Variants in LOC400499 observed in about 807,000 individuals in gnomAD.
the LOC400499 span, chr16:11,439,705 C>T: frequency 1.0e-5 from 4 of 395,724 alleles, no homozygotes; most frequent in African/African-American, 8.2e-5. Flanking sequence ...AAACTTCTGT[C>T]CTCCCTTAAT....
At chr16:11,401,992 G>A in the LOC400499 span, 1 of 399,010 alleles carries the variant, frequency 2.5e-6, no homozygotes, top group African/African-American at 2.1e-5. Context: ...CTGCAGGGTG[G>A]AGTTCAGCTC....
chr16:11,493,103 CCA>C, the LOC400499 span, among the ~76,000 whole-genome samples: 6 of 151,962 alleles, frequency 3.9e-5, no homozygotes, highest in African/African-American at 1.5e-4. Flanking sequence ...CAGGTGAGGC[CCA>C]GAGGTCAGAT....
the LOC400499 span, chr16:11,390,355 A>AC: frequency 8.1e-7 from 1 of 1,234,052 alleles, no homozygotes; most frequent in Non-Finnish European, 1.0e-6. Context: ...CATCCCGGGC[A>AC]CCCAGGCCTG....
the LOC400499 span, chr16:11,460,435 C>T: frequency 4.8e-5 from 71 of 1,490,268 alleles, no homozygotes; most frequent in Non-Finnish European, 6.1e-5. Context: ...TTGCCTGACT[C>T]TAGTGCTCTC....
At chr16:11,435,604 C>T in the LOC400499 span, 4 of 398,910 alleles carry the variant, frequency 1.0e-5, no homozygotes, top group Non-Finnish European at 1.3e-5. Context: ...CCCAGGACAC[C>T]AGCCTTTTGG....
At chr16:11,430,955 G>A in the LOC400499 span, 1 of 398,376 alleles carries the variant, frequency 2.5e-6, no homozygotes, top group Non-Finnish European at 4.4e-6. Context: ...AGCATCACTG[G>A]ACTTGGGTGG....
chr16:11,517,247 G>A, the LOC400499 span, among the ~76,000 whole-genome samples: 3 of 152,032 alleles, frequency 2.0e-5, no homozygotes, highest in African/African-American at 2.4e-5. Context: ...AACTTGTCTC[G>A]CTCCCTCCTC....
At chr16:11,407,372 C>T in the LOC400499 span, 45 of 398,082 alleles carry the variant, frequency 1.1e-4, no homozygotes, top group Non-Finnish European at 7.1e-5. Flanking sequence ...CCACAAAACA[C>T]GATAAAGCTC....
chr16:11,436,792 C>T, the LOC400499 span, among the ~76,000 whole-genome samples: 1 of 151,848 alleles, frequency 6.6e-6, no homozygotes. Context: ...TGGGGTTTCA[C>T]CATGTTTCCC....
the LOC400499 span, among the ~76,000 whole-genome samples, chr16:11,511,922 C>G: frequency 6.6e-6 from 1 of 151,878 alleles, no homozygotes; most frequent in Non-Finnish European, 1.5e-5. Flanking sequence ...GAGGCTGACA[C>G]TGGGGGAACC....
the LOC400499 span, chr16:11,475,842 A>G: frequency 2.6e-6 from 1 of 389,656 alleles, no homozygotes; most frequent in Non-Finnish European, 4.5e-6. Context: ...GCCTTTGGGC[A>G]GTGCACACGC....
the LOC400499 span, among the ~76,000 whole-genome samples, chr16:11,493,387 G>A: frequency 6.6e-6 from 1 of 152,188 alleles, no homozygotes. Context: ...CCCATGGCCC[G>A]TAGTCTGCCA....
At chr16:11,524,840 A>G in the LOC400499 span, among the ~76,000 whole-genome samples, 1 of 149,924 alleles carries the variant, frequency 6.7e-6, no homozygotes, top group Non-Finnish European at 1.5e-5. Flanking sequence ...TTTCCCAGGC[A>G]TCACCCGTGC....
chr16:11,424,902 T>G, the LOC400499 span, among the ~76,000 whole-genome samples: 16 of 152,280 alleles, frequency 1.1e-4, no homozygotes, highest in African/African-American at 2.4e-4. Context: ...ACCAGCTGAT[T>G]TGAAGCCTGT....
the LOC400499 span, among the ~76,000 whole-genome samples, chr16:11,451,312 G>A: frequency 6.6e-6 from 1 of 152,166 alleles, no homozygotes; most frequent in African/African-American, 2.4e-5. Flanking sequence ...AAGCGCAGTG[G>A]CTCATGCCTG....
chr16:11,468,521 T>C, the LOC400499 span, among the ~76,000 whole-genome samples: 1 of 152,348 alleles, frequency 6.6e-6, no homozygotes, highest in African/African-American at 2.4e-5. Context: ...ACACCGGGTC[T>C]TGCTATGTTG....
At chr16:11,455,243 A>G in the LOC400499 span, among the ~76,000 whole-genome samples, 1 of 152,244 alleles carries the variant, frequency 6.6e-6, no homozygotes, top group South Asian at 2.1e-4. Flanking sequence ...TCTTTTAAGA[A>G]AATGGAAGAG....
chr16:11,480,921 A>G, the LOC400499 span, among the ~76,000 whole-genome samples: 1 of 152,270 alleles, frequency 6.6e-6, no homozygotes, highest in Non-Finnish European at 1.5e-5. Context: ...GAGCAGCACT[A>G]TTCAGTCTCC....
At chr16:11,399,466 C>T in the LOC400499 span, 3 of 399,856 alleles carry the variant, frequency 7.5e-6, no homozygotes, top group Admixed American at 4.4e-5. Context: ...GCTCCCCTGA[C>T]CTCACCTCGT....
Sources: allele counts gnomAD v4.1 joint callset (sites outside exome capture counted in the v4.1 genomes callset), GRCh38; gene constraint gnomAD v4.1.1; transcripts MANE v1.5.